Variants in ARHGAP32 observed in about 807,000 individuals in gnomAD.
ARHGAP32 encodes rho GTPase-activating protein 32.
In ARHGAP32, 51 loss-of-function variants were observed where a neutral mutation model predicts 186.5. That is an observed-to-expected ratio of 0.27 (90% CI 0.22 to 0.35). The LOEUF is 0.35. ARHGAP32 is among the 10% of genes least tolerant of loss of function. The probability of loss-of-function intolerance (pLI) is 1.00; values close to 1 mark genes in which losing one functional copy is unlikely to be tolerated. For synonymous variants in ARHGAP32, 950 were observed against 964.3 expected (o/e 0.99, Z 0.27); for missense variants, 2,186 against 2,623.5 (o/e 0.83, Z 3.64).
chr11:129,213,239 A>C (rs780677747), intron 1 of ARHGAP32, among the ~76,000 whole-genome samples: 14 of 152,216 alleles, frequency 9.2e-5, no homozygotes, highest in Non-Finnish European at 2.1e-4. Context: ...AACAGGCTGC[A>C]ATGTTCAATG....
intron 5 of ARHGAP32, among the ~76,000 whole-genome samples, chr11:129,095,958 T>C (rs1308434553): frequency 6.6e-6 from 1 of 152,192 alleles, no homozygotes; most frequent in African/African-American, 2.4e-5. Context: ...AAAGTAGTGA[T>C]AAACTCAATC....
At chr11:129,117,214 C>G (rs1942391280) in intron 5 of ARHGAP32, among the ~76,000 whole-genome samples, 1 of 151,950 alleles carries the variant, frequency 6.6e-6, no homozygotes, top group African/African-American at 2.4e-5. Flanking sequence ...CGCCTTGATT[C>G]AAATACAGTC....
At chr11:129,147,838 CTCTT>C (rs1169777002) in intron 2 of ARHGAP32, among the ~76,000 whole-genome samples, 3 of 152,012 alleles carry the variant, frequency 2.0e-5, no homozygotes, top group Non-Finnish European at 4.4e-5. Flanking sequence ...TGATTATATC[CTCTT>C]TTAAACTTTA....
intron 2 of ARHGAP32, among the ~76,000 whole-genome samples, chr11:129,148,961 T>C (rs756410498): frequency 6.6e-6 from 1 of 152,158 alleles, no homozygotes; most frequent in Non-Finnish European, 1.5e-5. Context: ...AAGGAAAGTC[T>C]AAGCTTGGAC....
intron 1 of ARHGAP32, among the ~76,000 whole-genome samples, chr11:129,173,202 A>C (rs1200079990): frequency 1.3e-5 from 2 of 152,104 alleles, no homozygotes; most frequent in Non-Finnish European, 2.9e-5. Context: ...ATAAACTAGA[A>C]AATCTAGAAG....
At chr11:129,221,108 T>C (rs1944704911) in intron 1 of ARHGAP32, among the ~76,000 whole-genome samples, 1 of 151,722 alleles carries the variant, frequency 6.6e-6, no homozygotes, top group Non-Finnish European at 1.5e-5. Context: ...ATGAAAGAAA[T>C]AATGTCTGGA....
At chr11:129,091,034 A>C (rs1269305059) in intron 6 of ARHGAP32, among the ~76,000 whole-genome samples, 1 of 152,156 alleles carries the variant, frequency 6.6e-6, no homozygotes, top group African/African-American at 2.4e-5. Flanking sequence ...TAAAAAGATA[A>C]GGGAGGGGAT....
chr11:129,011,637 C>T (rs1307229794), intron 11 of ARHGAP32, among the ~76,000 whole-genome samples: 3 of 152,106 alleles, frequency 2.0e-5, no homozygotes, highest in Non-Finnish European at 4.4e-5. Flanking sequence ...CATTTCAAAA[C>T]ATTTTAAAAC....
At chr11:129,233,423 A>T (rs929674068) in intron 1 of ARHGAP32, among the ~76,000 whole-genome samples, 11 of 152,308 alleles carry the variant, frequency 7.2e-5, no homozygotes, top group Admixed American at 7.2e-4. Context: ...CAAAATGACA[A>T]AAATTCTAAT....
intron 11 of ARHGAP32, among the ~76,000 whole-genome samples, chr11:129,032,242 G>A (rs936764825): frequency 2.6e-5 from 4 of 152,198 alleles, no homozygotes; most frequent in Non-Finnish European, 4.4e-5. Flanking sequence ...AGGGTCGTGG[G>A]TAACTTCTAG....
intron 2 of ARHGAP32, among the ~76,000 whole-genome samples, chr11:129,135,846 C>A (rs1175361735): frequency 6.6e-6 from 1 of 152,058 alleles, no homozygotes; most frequent in East Asian, 1.9e-4. Flanking sequence ...GTTCACAGAC[C>A]CAAACATAAA....
Position 128,969,371 on chromosome 11 carries a change from A to C in ARHGAP32, c.5842T>G (p.Ser1948Ala). The C allele has an allele frequency of 6.2e-7, 1 of 1,614,190 alleles. No homozygotes were observed. Among genetic ancestry groups the C allele is most frequent in the Non-Finnish European group, 8.5e-7 (1 of 1,180,038 alleles). Residue 1948 changes from serine (S) to alanine (A), a missense_variant, in exon 23 of 23, where the codon TCT (serine) becomes GCT (alanine). Ser to Ala is a moderately conservative substitution (Grantham distance 99, BLOSUM62 1). This residue lies in a region of ARHGAP32 where 1,502 missense variants were observed against 1,570.0 expected (regional missense o/e 0.96). Transcript: ENST00000682385. The surrounding 1 kb of genome is among the most constrained non-coding windows in gnomAD (Gnocchi z 4.8). ...ACCTCTTTGTGGTTCAGTCTTAAAG[A>C]TTCTTGCCCGGATGCAGCATATTTT... ...GVKYAASGQE[S>A]LRLNHKEVRL...
At chr11:129,248,501 T>C (rs1945134342) in intron 1 of ARHGAP32, among the ~76,000 whole-genome samples, 1 of 152,198 alleles carries the variant, frequency 6.6e-6, no homozygotes, top group African/African-American at 2.4e-5. Context: ...GAACAAAACA[T>C]CTTTATAAGT....
intron 1 of ARHGAP32, among the ~76,000 whole-genome samples, chr11:129,187,149 G>A (rs950005137): frequency 3.3e-5 from 5 of 152,160 alleles, no homozygotes; most frequent in African/African-American, 1.2e-4. Flanking sequence ...TAAAGAAAAT[G>A]TGGTACTTAT....
intron 10 of ARHGAP32, among the ~76,000 whole-genome samples, chr11:129,043,373 C>CTTTTTTTTTTTTTTTTT (rs1162755786): frequency 1.2e-5 from 1 of 83,726 alleles, no homozygotes; most frequent in Non-Finnish European, 2.7e-5. Context: ...ATGCAAATTT[C>CTTTTTTTTTTTTTTTTT]TTTTTTTCTT....
intron 2 of ARHGAP32, among the ~76,000 whole-genome samples, chr11:129,148,346 A>G (rs1943215965): frequency 6.6e-6 from 1 of 152,368 alleles, no homozygotes; most frequent in South Asian, 2.1e-4. Context: ...TGGAGAATCC[A>G]TAAATCCAGA....
chr11:129,103,918 C>T (rs1941976128), intron 5 of ARHGAP32, among the ~76,000 whole-genome samples: 1 of 151,928 alleles, frequency 6.6e-6, no homozygotes, highest in Admixed American at 6.6e-5. Context: ...AGAAATGGTA[C>T]TAGACAAAAA....
intron 10 of ARHGAP32, among the ~76,000 whole-genome samples, chr11:129,061,316 C>T (rs190853552): frequency 4.3e-4 from 65 of 152,246 alleles, no homozygotes; most frequent in African/African-American, 1.5e-3. Flanking sequence ...ATGTTATTAT[C>T]AGGTCTCAAA....
At chr11:129,055,335 C>A (rs1159821982) in intron 10 of ARHGAP32, among the ~76,000 whole-genome samples, 2 of 152,156 alleles carry the variant, frequency 1.3e-5, no homozygotes, top group African/African-American at 4.8e-5. Context: ...CTGCTAGTAA[C>A]AATGCAAAAT....
Sources: allele counts gnomAD v4.1 joint callset (sites outside exome capture counted in the v4.1 genomes callset), GRCh38; gene constraint gnomAD v4.1.1; regional missense constraint gnomAD v4.1.1; non-coding constraint Gnocchi (gnomAD v3.1); transcripts MANE v1.5; gene names NCBI Gene and HGNC (gene_info 2026-07-23, HGNC 2026-07-21).